Variants in CHD9 observed in about 807,000 individuals in gnomAD.
The protein encoded by CHD9 is chromodomain helicase DNA binding protein 9.
A neutral mutation model predicts 316.1 loss-of-function variants in CHD9; 77 were observed. The observed-to-expected ratio is 0.24, with a 90% CI of 0.20 to 0.29. The LOEUF (loss-of-function observed/expected upper bound fraction) is 0.29. Among genes scored for constraint, CHD9 ranks in the 10% least tolerant of loss-of-function variants. The pLI is 1.00. For missense variants in CHD9, 2,763 were observed against 3,438.1 expected (o/e 0.80, Z 4.91); for synonymous variants, 1,129 against 1,158.3 (o/e 0.97, Z 0.51).
At chr16:53,107,821 A>G (rs917071442) in intron 1 of CHD9, among the ~76,000 whole-genome samples, 1 of 152,246 alleles carries the variant, frequency 6.6e-6, no homozygotes, top group Non-Finnish European at 1.5e-5. Flanking sequence ...GGACGTAGCA[A>G]TGAACAAACA....
chr16:53,306,290 A>G lies in CHD9; in HGVS notation c.6673A>G (p.Thr2225Ala), dbSNP rs757623424. Residue 2225 changes from threonine (T) to alanine (A), a missense_variant, in exon 32 of 39, where the codon ACT becomes GCT. By Grantham distance (58) the Thr-to-Ala change is moderately conservative. Around this residue, in one of 15 missense-constraint regions of CHD9, gnomAD observed 663 missense variants for 751.2 expected, o/e 0.88. Transcript: ENST00000447540. The stretch of plus-strand genomic sequence containing the variant: ...TGAAGAAAGCGTCGCGTCACTGAGC[A>G]CTACCCAGGATGAGACTCAGGATAG... ...YDEESVASLSTTQDETQDSFQ... is the reference protein window; with the variant it reads ...YDEESVASLSATQDETQDSFQ... The G allele has an allele frequency of 1.5e-5, 24 of 1,608,082 alleles. No individual in the cohort carries two copies. Among genetic ancestry groups the G allele is most frequent in the East Asian group, 4.5e-5 (2 of 44,490 alleles).
chr16:53,244,478 A>G (rs2049391945), intron 13 of CHD9, among the ~76,000 whole-genome samples: 1 of 152,174 alleles, frequency 6.6e-6, no homozygotes, highest in African/African-American at 2.4e-5. Context: ...GGCATGAGCC[A>G]CCGCGCCCGG....
chr16:53,304,693 C>CTTTTTTTTT (rs376929117), intron 31 of CHD9, 68 bp downstream of exon 31: 4 of 769,624 alleles, frequency 5.2e-6, no homozygotes, highest in Non-Finnish European at 6.9e-6. Context: ...CTTTTCTTTT[C>CTTTTTTTTT]TTTTTTTTTT....
At chr16:53,079,724 C>T (rs2034855024) in intron 1 of CHD9, among the ~76,000 whole-genome samples, 1 of 152,108 alleles carries the variant, frequency 6.6e-6, no homozygotes, top group South Asian at 2.1e-4. Flanking sequence ...ATGCTGGAGA[C>T]TAAGCTCTAT....
chr16:53,245,187 T>C lies in CHD9; in HGVS notation c.3055-149T>C, dbSNP rs371515184. ...TTGTCTCTAAACAAACAAACAAATA[T>C]ATATATATACACACACACACACATA... On this transcript the variant is annotated intron_variant, in intron 13 of 38. Coordinates refer to ENST00000447540, the MANE Select transcript of CHD9 (RefSeq NM_001308319.2). This position sits in a 1 kb window ranked among gnomAD's most constrained non-coding sequence, Gnocchi z 4.1. The C allele has an allele frequency of 2.4e-5, 12 of 494,736 alleles. No homozygotes were observed. The East Asian group carries it at 4.3e-4, about 18-fold the overall frequency. The allele number at this position is 494,736 out of a possible 1,614,324, so 30.6% of individuals were successfully genotyped here.
chr16:53,196,805 T>TA (rs2044964539), intron 2 of CHD9, among the ~76,000 whole-genome samples: 2 of 152,338 alleles, frequency 1.3e-5, no homozygotes, highest in South Asian at 4.1e-4. Context: ...TAGAGCTTTC[T>TA]AAGCCAAACT....
chr16:53,240,201 C>T (rs1272545447), intron 12 of CHD9, among the ~76,000 whole-genome samples: 1 of 152,154 alleles, frequency 6.6e-6, no homozygotes, highest in Non-Finnish European at 1.5e-5. Flanking sequence ...GCCACTGCAC[C>T]TGGTCTAGTG....
rs372449070 is a variant in CHD9, at chr16:53,247,816, T to C, written c.3665+313T>C. ...CCTTGTGGATGAAACTTTAAATAGATATATATTTACAACAGTCATCTTCAA... is the reference window on the plus strand; with the variant it reads ...CCTTGTGGATGAAACTTTAAATAGACATATATTTACAACAGTCATCTTCAA... On this transcript the variant is annotated intron_variant, in intron 16 of 38. Transcript: ENST00000447540. The C allele has an allele frequency of 1.9e-5, 4 of 215,808 alleles. No homozygotes were observed. In the East Asian group the frequency reaches 3.4e-4, roughly 18 times the overall value. 13.4% of individuals were successfully genotyped at this position (215,808 alleles called of 1,614,324 possible).
chr16:53,267,345 A>C lies in CHD9; in HGVS notation c.4372A>C (p.Ser1458Arg), dbSNP rs771128485. The C allele has an allele frequency of 1.2e-6, 2 of 1,612,568 alleles. No individual in the cohort carries two copies. Among genetic ancestry groups the C allele is most frequent in the East Asian group, 2.2e-5 (1 of 44,822 alleles). ...AATTAGGAAGCAAACAAGACCTTTTAGTGCCACAAAAGATGAATTGGCTGA... is the reference window on the plus strand; with the variant it reads ...AATTAGGAAGCAAACAAGACCTTTTCGTGCCACAAAAGATGAATTGGCTGA... ...PRIRKQTRPFSATKDELAELS... is the reference protein window; with the variant it reads ...PRIRKQTRPFRATKDELAELS... Residue 1458 changes from serine (S) to arginine (R), a missense_variant, in exon 21 of 39, where the codon AGT becomes CGT. By Grantham distance (110) the Ser-to-Arg change is moderately radical. Coordinates refer to ENST00000447540, the MANE Select transcript of CHD9 (RefSeq NM_001308319.2).
In CHD9 at chr16:53,226,267, A is replaced by G. The variant is rs190551773; in HGVS notation, c.1897-99A>G. 304 of 740,182 alleles carry G rather than the reference A, an allele frequency of 4.1e-4. 1 individual carries two copies. In the Middle Eastern group the frequency reaches 7.8e-3, roughly 19 times the overall value. 45.9% of individuals were successfully genotyped at this position (740,182 alleles called of 1,614,324 possible). A position where few individuals can be genotyped will look rare whatever the true frequency, so the allele number is the denominator to read the frequency against. ...GATAGTACATTGAGTGTCATGTTGA[A>G]AATTTAATATACAAAATTGCCAACT... is the stretch of plus-strand genomic sequence containing the variant. On this transcript the variant is annotated intron_variant, in intron 4 of 38. Coordinates refer to ENST00000447540, the MANE Select transcript of CHD9 (RefSeq NM_001308319.2).
intron 20 of CHD9, among the ~76,000 whole-genome samples, chr16:53,265,246 T>A (rs535696703): frequency 1.3e-5 from 2 of 151,948 alleles, no homozygotes; most frequent in African/African-American, 2.4e-5. Context: ...TACAAAAAAA[T>A]TTAAAATTAG....
intron 2 of CHD9, among the ~76,000 whole-genome samples, chr16:53,193,374 G>A (rs748911579): frequency 2.0e-5 from 3 of 151,886 alleles, no homozygotes; most frequent in South Asian, 2.1e-4. Context: ...GCATGAACCC[G>A]GGAGGCAGAG....
intron 31 of CHD9, among the ~76,000 whole-genome samples, chr16:53,305,406 A>G (rs961470808): frequency 3.9e-5 from 6 of 152,346 alleles, no homozygotes; most frequent in Admixed American, 6.5e-5. Context: ...GGAAAGCACT[A>G]TTGGGAAGAA....
chr16:53,286,115 A>G (rs1395443954), intron 25 of CHD9, 111 bp from the exon 26 acceptor site: 1 of 586,438 alleles, frequency 1.7e-6, no homozygotes, highest in Non-Finnish European at 3.0e-6. Context: ...ATTTTAATGT[A>G]TTATCCCTTT....
At chr16:53,125,349 G>A (rs1168192832) in intron 1 of CHD9, among the ~76,000 whole-genome samples, 1 of 148,076 alleles carries the variant, frequency 6.8e-6, no homozygotes, top group East Asian at 2.0e-4. Flanking sequence ...TCAGCCTCCC[G>A]AGTAGCTGGG....
intron 10 of CHD9, among the ~76,000 whole-genome samples, chr16:53,234,469 A>G (rs903864001): frequency 6.6e-6 from 1 of 152,166 alleles, no homozygotes; most frequent in Non-Finnish European, 1.5e-5. Flanking sequence ...TGGCTTTTTC[A>G]TAGTTGTACT....
intron 37 of CHD9, chr16:53,319,983 T>C (rs980966671): frequency 1.7e-5 from 7 of 415,186 alleles, no homozygotes; most frequent in African/African-American, 1.5e-4. Flanking sequence ...AATGTACTTA[T>C]TTAAATATAC....
chr16:53,200,333 T>G (rs1397349491), intron 2 of CHD9, among the ~76,000 whole-genome samples: 5 of 137,722 alleles, frequency 3.6e-5, no homozygotes, highest in Non-Finnish European at 6.1e-5. Flanking sequence ...ATCACACCAC[T>G]GCACTCCATT....
intron 1 of CHD9, among the ~76,000 whole-genome samples, chr16:53,143,400 T>TTATTTATC (rs1380176296): frequency 4.1e-4 from 58 of 141,548 alleles, no homozygotes; most frequent in Non-Finnish European, 6.5e-4. Flanking sequence ...ATTTATTTAT[T>TTATTTATC]TATCTGAGGC....
Sources: allele counts gnomAD v4.1 joint callset (sites outside exome capture counted in the v4.1 genomes callset), GRCh38; gene constraint gnomAD v4.1.1; regional missense constraint gnomAD v4.1.1; non-coding constraint Gnocchi (gnomAD v3.1); transcripts MANE v1.5; gene names NCBI Gene and HGNC (gene_info 2026-07-23, HGNC 2026-07-21).